STAG1: variants seen among roughly 807,000 people sequenced by gnomAD.
STAG1 encodes the protein cohesin subunit SA-1.
Under a neutral mutation model 170.9 loss-of-function variants are expected in STAG1, and 26 were observed. The ratio of observed to expected loss-of-function variants is 0.15; its 90% CI spans 0.11 to 0.21. STAG1 has a LOEUF of 0.21. Ranked by LOEUF, STAG1 falls within the 10% of genes least tolerant of loss-of-function variation. The probability of loss-of-function intolerance (pLI) is 1.00; values close to 1 mark genes in which losing one functional copy is unlikely to be tolerated. For synonymous variants in STAG1, 514 were observed against 497.7 expected, an observed-to-expected ratio of 1.03 and a Z score of -0.44; for missense variants, 964 against 1,509.5, an observed-to-expected ratio of 0.64 and a Z score of 5.99.
At chr3:136,642,732 G>A (rs1940850468) in intron 1 of STAG1, among the ~76,000 whole-genome samples, 1 of 152,162 alleles carries the variant, frequency 6.6e-6, no homozygotes. Context: ...ACAAAAAGCT[G>A]GATGGCTTTG....
intron 1 of STAG1, chr3:136,721,584 G>C (rs950135625): frequency 1.3e-5 from 2 of 152,114 alleles, no homozygotes; most frequent in African/African-American, 2.4e-5. Context: ...CATTATAAAA[G>C]TGGTATTAAG....
At chr3:136,639,455 T>C (rs1411837351) in intron 1 of STAG1, among the ~76,000 whole-genome samples, 1 of 152,230 alleles carries the variant, frequency 6.6e-6, no homozygotes, top group Non-Finnish European at 1.5e-5. Context: ...TTAAATATTT[T>C]ACAAATCAAT....
chr3:136,572,734 T>A (rs1400026784), intron 4 of STAG1, among the ~76,000 whole-genome samples: 1 of 151,894 alleles, frequency 6.6e-6, no homozygotes, highest in African/African-American at 2.4e-5. Flanking sequence ...ACTTCCACTA[T>A]GACAAAGGAG....
At chr3:136,751,924 G>A (rs933149308) in intron 1 of STAG1, among the ~76,000 whole-genome samples, 10 of 150,810 alleles carry the variant, frequency 6.6e-5, no homozygotes, top group East Asian at 1.9e-4. Flanking sequence ...CCGCGGGAGG[G>A]GTGGCAAGCG....
At chr3:136,655,184 C>T (rs562241374) in intron 1 of STAG1, among the ~76,000 whole-genome samples, 13 of 152,294 alleles carry the variant, frequency 8.5e-5, no homozygotes, top group Admixed American at 3.3e-4. Flanking sequence ...ACAAATCCAA[C>T]AGGGTAAAAA....
At chr3:136,604,998 T>C (rs1938866347) in intron 3 of STAG1, among the ~76,000 whole-genome samples, 1 of 152,188 alleles carries the variant, frequency 6.6e-6, no homozygotes, top group Non-Finnish European at 1.5e-5. Flanking sequence ...AATGCCAATG[T>C]TGAATATTTT....
At chr3:136,580,784 C>T (rs946070880) in intron 4 of STAG1, among the ~76,000 whole-genome samples, 7 of 151,432 alleles carry the variant, frequency 4.6e-5, no homozygotes, top group African/African-American at 1.2e-4. Context: ...CCACCCGCCT[C>T]GGCCTCCCAA....
intron 1 of STAG1, among the ~76,000 whole-genome samples, chr3:136,663,634 A>C (rs1422086593): frequency 6.6e-6 from 1 of 152,212 alleles, no homozygotes; most frequent in Non-Finnish European, 1.5e-5. Flanking sequence ...GAAAACACCA[A>C]AATGTAACAC....
intron 22 of STAG1, among the ~76,000 whole-genome samples, chr3:136,379,888 T>C (rs1937853427): frequency 6.6e-6 from 1 of 152,206 alleles, no homozygotes; most frequent in African/African-American, 2.4e-5. Context: ...CTGCTGGCAA[T>C]GAGGAACTAC....
At chr3:136,536,897 G>A (rs971702387) in intron 6 of STAG1, among the ~76,000 whole-genome samples, 1 of 152,004 alleles carries the variant, frequency 6.6e-6, no homozygotes, top group Admixed American at 6.6e-5. Flanking sequence ...TGAGAATTAA[G>A]TATATGTAAA....
At chr3:136,698,441 A>T (rs1384298698) in intron 1 of STAG1, among the ~76,000 whole-genome samples, 1 of 152,188 alleles carries the variant, frequency 6.6e-6, no homozygotes, top group African/African-American at 2.4e-5. Context: ...CCACAATGAG[A>T]TACCACCTTA....
At chr3:136,645,318 G>C (rs1447446098) in intron 1 of STAG1, among the ~76,000 whole-genome samples, 2 of 152,186 alleles carry the variant, frequency 1.3e-5, no homozygotes, top group African/African-American at 2.4e-5. Flanking sequence ...GAACATGTGA[G>C]AGGTAGGTTT....
chr3:136,742,587 C>T (rs781181046), intron 1 of STAG1, among the ~76,000 whole-genome samples: 10 of 151,698 alleles, frequency 6.6e-5, no homozygotes, highest in Middle Eastern at 3.2e-3. Flanking sequence ...TGGTGGTGTG[C>T]GCCTGTAATC....
intron 4 of STAG1, among the ~76,000 whole-genome samples, chr3:136,599,851 ATTTCTTCTTTC>A (rs1938589596): frequency 6.6e-6 from 1 of 152,132 alleles, no homozygotes; most frequent in African/African-American, 2.4e-5. Flanking sequence ...ATAAGACAGA[ATTTCTTCTTTC>A]ATCCCTCTAG....
At chr3:136,660,185 C>T (rs755771569) in intron 1 of STAG1, among the ~76,000 whole-genome samples, 23 of 152,084 alleles carry the variant, frequency 1.5e-4, no homozygotes, top group African/African-American at 2.4e-4. Flanking sequence ...AATTCATTGG[C>T]GATAGATGTC....
At position 136,736,869 on chromosome 3, in the gene STAG1, T is replaced by C. The variant is rs1934370324; in HGVS notation, c.-84+15326A>G. 6 of 1,583,914 alleles carry C rather than the reference T, an allele frequency of 3.8e-6. No individual in the cohort carries two copies. In the South Asian group the frequency reaches 6.6e-5, roughly 18 times the overall value. ...CTTTCACAGTGTGGTCAACGTATTC[T>C]TTTCCTGCCTGAATTACATCCAGGG... On this transcript the variant is annotated intron_variant, in intron 1 of 33. Coordinates refer to ENST00000383202, the MANE Select transcript of STAG1 (RefSeq NM_005862.3).
rs1230184624 is a variant in STAG1, at chr3:136,340,609, G to A, written c.3558-4C>T. 1 of 1,587,846 alleles carries A rather than the reference G, an allele frequency of 6.3e-7. No individual in the cohort carries two copies. Among genetic ancestry groups the A allele is most frequent in the Admixed American group, 1.7e-5 (1 of 59,912 alleles). On this transcript the variant is annotated splice_polypyrimidine_tract_variant and splice_region_variant and intron_variant, in intron 31 of 33. Coordinates refer to ENST00000383202, the MANE Select transcript of STAG1 (RefSeq NM_005862.3). ...ATCTTCCTCCATTAGACCCCGACTG[G>A]TAAGAAAAAGGTATTGTCAGAAAGC...
intron 6 of STAG1, among the ~76,000 whole-genome samples, chr3:136,536,780 C>T (rs1244753129): frequency 1.3e-5 from 2 of 151,408 alleles, no homozygotes; most frequent in African/African-American, 2.4e-5. Flanking sequence ...TGCCATTTAC[C>T]AGTTGTGTGA....
intron 1 of STAG1, among the ~76,000 whole-genome samples, chr3:136,727,705 T>A (rs1933766860): frequency 6.6e-6 from 1 of 152,128 alleles, no homozygotes; most frequent in Admixed American, 6.6e-5. Context: ...AAGCGAAATA[T>A]CCATTAACCA....
Sources: allele counts gnomAD v4.1 joint callset (sites outside exome capture counted in the v4.1 genomes callset), GRCh38; gene constraint gnomAD v4.1.1; transcripts MANE v1.5; gene names NCBI Gene and HGNC (gene_info 2026-07-23, HGNC 2026-07-21).